The following BNIP3L variants were observed in gnomAD, a reference collection of about 807,000 sequenced individuals.
BNIP3L encodes BCL2 interacting protein 3 like.
Under a neutral mutation model 25.5 loss-of-function variants are expected in BNIP3L, and 10 were observed. That is an observed-to-expected ratio of 0.39 (90% CI 0.24 to 0.67). BNIP3L has a LOEUF of 0.67. Ranked by LOEUF, BNIP3L falls within the 30% of genes least tolerant of loss-of-function variation. The pLI, the probability that BNIP3L is intolerant of heterozygous loss-of-function variation, is 0.45. For synonymous variants in BNIP3L, 113 were observed against 101.2 expected (o/e 1.12, Z -0.70); for missense variants, 215 against 270.9 (o/e 0.79, Z 1.45).
intron 3 of BNIP3L, among the ~76,000 whole-genome samples, chr8:26,402,598 A>G (rs1806412346): frequency 6.6e-6 from 1 of 152,214 alleles, no homozygotes; most frequent in African/African-American, 2.4e-5. Context: ...TAGTAGTCGC[A>G]TGAGTAATTC....
At chr8:26,400,671 C>G (rs1806349212) in intron 3 of BNIP3L, among the ~76,000 whole-genome samples, 1 of 111,058 alleles carries the variant, frequency 9.0e-6, no homozygotes, top group Admixed American at 9.6e-5. Context: ...ACTCATCTGA[C>G]AAAGGGCTAA....
Position 26,412,096 on chromosome 8 carries a change from TTTC to T in BNIP3L, c.*1687_*1689del, listed in dbSNP as rs1444023106. 6.6e-6 allele frequency: 1 copy of T among 152,296 alleles called. No individual in the cohort carries two copies. Among genetic ancestry groups the T allele is most frequent in the Admixed American group, 6.5e-5 (1 of 15,286 alleles). 9.4% of individuals were successfully genotyped at this position (152,296 alleles called of 1,614,324 possible). ...GATATATCCTAGTTTTGAAAGTAAT[TTTC>T]TTTTTTCTTTCTAGCATTTGATGTC... On this transcript the variant is annotated 3_prime_UTR_variant, in exon 6 of 6. Coordinates refer to ENST00000380629, the MANE Select transcript of BNIP3L (RefSeq NM_004331.3).
chr8:26,407,901 C>A, intron 3 of BNIP3L, 99 bp from the exon 4 acceptor site: 1 of 1,045,822 alleles, frequency 9.6e-7, no homozygotes. Context: ...TTCTGAGACA[C>A]AACCTTATGA....
intron 3 of BNIP3L, among the ~76,000 whole-genome samples, chr8:26,406,114 C>G (rs1335697150): frequency 6.6e-6 from 1 of 152,134 alleles, no homozygotes; most frequent in Non-Finnish European, 1.5e-5. Context: ...CCTTTTGGTT[C>G]TATTAAAAGG....
At chr8:26,405,914 G>T (rs1563342937) in intron 3 of BNIP3L, among the ~76,000 whole-genome samples, 1 of 152,164 alleles carries the variant, frequency 6.6e-6, no homozygotes, top group Non-Finnish European at 1.5e-5. Flanking sequence ...GTAGTGCCAG[G>T]CGCCTGTAAT....
intron 1 of BNIP3L, among the ~76,000 whole-genome samples, chr8:26,385,042 A>G (rs563278719): frequency 2.0e-5 from 3 of 151,930 alleles, no homozygotes; most frequent in East Asian, 3.9e-4. Flanking sequence ...GGGCCTCCCA[A>G]AGTGCTGGGA....
At chr8:26,403,651 C>G (rs1806439011) in intron 3 of BNIP3L, among the ~76,000 whole-genome samples, 1 of 151,878 alleles carries the variant, frequency 6.6e-6, no homozygotes, top group Non-Finnish European at 1.5e-5. Flanking sequence ...ATCTTTCTGC[C>G]TCAGTCTCCC....
At chr8:26,402,474 C>T (rs1363010610) in intron 3 of BNIP3L, among the ~76,000 whole-genome samples, 1 of 152,196 alleles carries the variant, frequency 6.6e-6, no homozygotes, top group Non-Finnish European at 1.5e-5. Context: ...ACCTTTTATA[C>T]AGAAAGCTTT....
intron 1 of BNIP3L, chr8:26,390,612 TC>T: frequency 1.1e-6 from 1 of 940,102 alleles, no homozygotes; most frequent in Non-Finnish European, 1.3e-6. Flanking sequence ...AAAGCTTTTT[TC>T]TGAATTTTTA....
At chr8:26,409,582 G>A (rs550107570) in intron 5 of BNIP3L, among the ~76,000 whole-genome samples, 2 of 152,274 alleles carry the variant, frequency 1.3e-5, no homozygotes, top group South Asian at 2.1e-4. Context: ...TGACTGTTGC[G>A]TGGGGGTTGA....
At position 26,408,042 on chromosome 8, in the gene BNIP3L, T is replaced by G. The variant is rs1806539149; in HGVS notation, c.400T>G (p.Leu134Val). The G allele has an allele frequency of 2.5e-6, 4 of 1,614,202 alleles. No individual in the cohort carries two copies. The highest frequency in any genetic ancestry group is 3.4e-6 in the Non-Finnish European group (4 of 1,180,032). The change falls in exon 4 of 6, where the codon TTG becomes GTG. Residue 134 changes from leucine (L) to valine (V), a missense_variant. Around this residue, in one of 4 missense-constraint regions of BNIP3L, gnomAD observed 47 missense variants for 43.3 expected, o/e 1.09. Transcript: ENST00000380629. Reference sequence around the variant, plus strand: ...AGAAGGAGAGAAGGAAGTCGAGGCTTTGAAGAAAAGTGCGGACTGGGTATC... The same window carrying G: ...AGAAGGAGAGAAGGAAGTCGAGGCTGTGAAGAAAAGTGCGGACTGGGTATC... ...VVEGEKEVEA[L>V]KKSADWVSDW...
intron 5 of BNIP3L, among the ~76,000 whole-genome samples, chr8:26,409,924 C>T (rs1806584144): frequency 1.6e-5 from 2 of 123,544 alleles, no homozygotes; most frequent in Admixed American, 1.6e-4. Flanking sequence ...CTTTAAAGCA[C>T]TGGCAGCTTT....
chr8:26,386,129 A>G (rs538888379), intron 1 of BNIP3L, among the ~76,000 whole-genome samples: 1 of 152,344 alleles, frequency 6.6e-6, no homozygotes, highest in Non-Finnish European at 1.5e-5. Context: ...GCAGGGTTTC[A>G]ATAGCAAATT....
In BNIP3L at chr8:26,408,209, T is replaced by A; in HGVS notation, c.462-18T>A. 6.2e-7 allele frequency: 1 copy of A among 1,612,714 alleles called. No homozygotes were observed. The highest frequency in any genetic ancestry group is 8.5e-7 in the Non-Finnish European group (1 of 1,178,814). On this transcript the variant is annotated intron_variant, in intron 4 of 5. Coordinates refer to ENST00000380629, the MANE Select transcript of BNIP3L (RefSeq NM_004331.3). ...ATATTTTCAGCAAATGACATCTGCC[T>A]CTGAATTTCTTTCTCAGGGAGTTCC...
In BNIP3L at chr8:26,407,352, A is replaced by AT. The variant is rs1309380763; in HGVS notation, c.358-641dup. ...AGGTGCCCGCCATCACGCCCAGCTA[A>AT]TTTTTTTGTATTTTTAGTAGACACA... is the stretch of plus-strand genomic sequence containing the variant. On this transcript the variant is annotated intron_variant, in intron 3 of 5. Transcript: ENST00000380629. Among the ~76,000 whole-genome samples, 7 of 151,700 alleles carry AT rather than the reference A, an allele frequency of 4.6e-5. No individual in the cohort carries two copies. In the South Asian group the frequency reaches 1.3e-3, roughly 27 times the overall value.
At chr8:26,391,929 G>A (rs760292301) in intron 2 of BNIP3L, among the ~76,000 whole-genome samples, 4 of 152,182 alleles carry the variant, frequency 2.6e-5, no homozygotes, top group Non-Finnish European at 5.9e-5. Context: ...AGGAACTGCA[G>A]GTTGCTTCAC....
intron 3 of BNIP3L, 28 bp from the exon 4 acceptor site, chr8:26,407,972 T>C (rs755634876): frequency 3.1e-5 from 49 of 1,603,228 alleles, no homozygotes; most frequent in Middle Eastern, 1.7e-4. Context: ...CTTCCTTTTT[T>C]TCTTAAAGTT....
chr8:26,405,497 A>G lies in BNIP3L; in HGVS notation c.358-2503A>G, dbSNP rs115273301. Among the ~76,000 whole-genome samples the G allele has an allele frequency of 7.1e-3, 1,080 of 152,288 alleles. 9 individuals are homozygous for G. Among genetic ancestry groups the G allele is most frequent in the African/African-American group, 0.024 (1,015 of 41,566 alleles). On this transcript the variant is annotated intron_variant, in intron 3 of 5. Transcript: ENST00000380629. ...AGAACTAGATAAGATTGGTACTAACAAGAGCAGCAGAACGCACAGGGGTTT... is the reference window on the plus strand; with the variant it reads ...AGAACTAGATAAGATTGGTACTAACGAGAGCAGCAGAACGCACAGGGGTTT...
In BNIP3L at chr8:26,383,238, C is replaced by T. The variant is rs1433229631; in HGVS notation, c.100+8C>T. On this transcript the variant is annotated splice_region_variant and intron_variant, in intron 1 of 5. Coordinates refer to ENST00000380629, the MANE Select transcript of BNIP3L (RefSeq NM_004331.3). ...CGCCGGCCGGCCTCAACAGTGAGTG[C>T]GGGGCCGAGGCTCTGTGAAGGGGAT... 3.1e-6 allele frequency: 5 copies of T among 1,602,536 alleles called. No individual in the cohort carries two copies. The highest frequency in any genetic ancestry group is 3.4e-6 in the Non-Finnish European group (4 of 1,175,138).
Sources: allele counts gnomAD v4.1 joint callset (sites outside exome capture counted in the v4.1 genomes callset), GRCh38; gene constraint gnomAD v4.1.1; regional missense constraint gnomAD v4.1.1; transcripts MANE v1.5; gene names NCBI Gene and HGNC (gene_info 2026-07-23, HGNC 2026-07-21).